The following SNTG1 variants were observed in gnomAD, a reference collection of about 807,000 sequenced individuals.
SNTG1 encodes the protein gamma-1-syntrophin.
SNTG1 carries 39 observed loss-of-function variants against 74.7 expected under a neutral mutation model. The ratio of observed to expected loss-of-function variants is 0.52; its 90% CI spans 0.40 to 0.68. The LOEUF (loss-of-function observed/expected upper bound fraction) is 0.68, where lower values mean the gene tolerates loss of function less well. SNTG1 is among the 30% of genes least tolerant of loss of function. SNTG1 has a pLI of 0.00. For synonymous variants in SNTG1, 254 were observed against 217.1 expected, an observed-to-expected ratio of 1.17 and a Z score of -1.49; for missense variants, 685 against 609.5, an observed-to-expected ratio of 1.12 and a Z score of -1.30.
At chr8:49,969,786 C>T (rs1811490171) in intron 1 of SNTG1, among the ~76,000 whole-genome samples, 1 of 152,096 alleles carries the variant, frequency 6.6e-6, no homozygotes, top group South Asian at 2.1e-4. Context: ...ACTGTCAAAA[C>T]AACAATGACA....
At chr8:49,943,351 T>C (rs1033883660) in intron 1 of SNTG1, among the ~76,000 whole-genome samples, 9 of 152,352 alleles carry the variant, frequency 5.9e-5, no homozygotes, top group Admixed American at 5.2e-4. Flanking sequence ...AGTATAAAGA[T>C]GAAATGTATG....
At chr8:50,668,363 A>G (rs564910956) in intron 15 of SNTG1, among the ~76,000 whole-genome samples, 2 of 151,258 alleles carry the variant, frequency 1.3e-5, no homozygotes, top group Non-Finnish European at 2.9e-5. Flanking sequence ...ATTGACCTAT[A>G]TTTGCTCTTA....
At position 50,315,166 on chromosome 8, in the gene SNTG1, G is replaced by A. The variant is rs1432184339; in HGVS notation, c.-27-79046G>A. Among the ~76,000 whole-genome samples the A allele has an allele frequency of 1.3e-5, 2 of 149,632 alleles. 1 individual carries two copies. Among genetic ancestry groups the A allele is most frequent in the East Asian group, 3.9e-4 (2 of 5,074 alleles). On this transcript the variant is annotated intron_variant, in intron 2 of 18. Transcript: ENST00000642720. ...ATAATTTCTGAAATGCAAGATAAGG[G>A]ATAGAGCTGCAGTGGTCACTGAGGA...
At chr8:50,236,511 C>T (rs1327781879) in intron 2 of SNTG1, among the ~76,000 whole-genome samples, 13 of 142,208 alleles carry the variant, frequency 9.1e-5, no homozygotes, top group Non-Finnish European at 1.9e-4. Context: ...AGTGCAGTGG[C>T]GCTATCCCGG....
At chr8:50,494,382 C>A (rs1265768249) in intron 8 of SNTG1, among the ~76,000 whole-genome samples, 2 of 151,494 alleles carry the variant, frequency 1.3e-5, no homozygotes, top group African/African-American at 4.8e-5. Flanking sequence ...TTTATACTAC[C>A]ACATCTGCCT....
chr8:50,246,504 C>CT lies in SNTG1; in HGVS notation c.-28+73884dup, dbSNP rs58751270. On this transcript the variant is annotated intron_variant, in intron 2 of 18. Coordinates refer to ENST00000642720, the MANE Select transcript of SNTG1 (RefSeq NM_018967.5). ...TAAGTGAAGAAACATTAGTGTCTTTCTTTTTTTTTTTTTTTGCTTAATTAG... is the reference window on the plus strand; with the variant it reads ...TAAGTGAAGAAACATTAGTGTCTTTCTTTTTTTTTTTTTTTTGCTTAATTAG... Among the ~76,000 whole-genome samples the CT allele has an allele frequency of 2.5e-3, 356 of 141,858 alleles. 1 individual carries two copies. Among genetic ancestry groups the CT allele is most frequent in the African/African-American group, 8.6e-3 (338 of 39,102 alleles). The allele number at this position is 141,858 out of a possible 152,430, so 93.1% of individuals were successfully genotyped here.
At chr8:50,227,436 A>G (rs1467979916) in intron 2 of SNTG1, among the ~76,000 whole-genome samples, 2 of 152,132 alleles carry the variant, frequency 1.3e-5, no homozygotes. Context: ...ACAAGGCAAA[A>G]GACCACTACA....
chr8:50,125,764 G>C lies in SNTG1; in HGVS notation c.-102-46797G>C, dbSNP rs951354344. On this transcript the variant is annotated intron_variant, in intron 1 of 18. Coordinates refer to ENST00000642720, the MANE Select transcript of SNTG1 (RefSeq NM_018967.5). ...AAGTGCTTAGTATATGGTGTGTTAC[G>C]TTGCTGTATTAAGATGTGCTGGGTG... Among the ~76,000 whole-genome samples, 8 of 96,714 alleles carry C rather than the reference G, an allele frequency of 8.3e-5. 1 individual carries two copies. Among genetic ancestry groups the C allele is most frequent in the African/African-American group, 2.7e-4 (8 of 29,318 alleles). The allele number at this position is 96,714 out of a possible 152,430, so 63.4% of individuals were successfully genotyped here. A position where few individuals can be genotyped will look rare whatever the true frequency, so the allele number is the denominator to read the frequency against.
At chr8:50,600,163 T>C (rs576775493) in intron 13 of SNTG1, among the ~76,000 whole-genome samples, 29 of 152,302 alleles carry the variant, frequency 1.9e-4, no homozygotes, top group Admixed American at 5.9e-4. Context: ...CACTTGGTCA[T>C]GATGAATGAT....
intron 1 of SNTG1, among the ~76,000 whole-genome samples, chr8:50,090,709 G>A (rs203612): frequency 0.62 from 94,305 of 151,946 alleles, 29,620 homozygotes; most frequent in East Asian, 0.84. Flanking sequence ...AATATCAAGG[G>A]CTGCTGACAA....
intron 1 of SNTG1, among the ~76,000 whole-genome samples, chr8:49,991,874 G>A (rs373979465): frequency 2.0e-5 from 3 of 152,252 alleles, no homozygotes; most frequent in East Asian, 3.9e-4. Context: ...AAATTAGATA[G>A]CTGTGATGTT....
At chr8:50,758,998 A>G (rs554006389) in intron 18 of SNTG1, among the ~76,000 whole-genome samples, 14 of 152,094 alleles carry the variant, frequency 9.2e-5, no homozygotes, top group African/African-American at 3.4e-4. Context: ...TTTAATGATC[A>G]CCATTCTAAC....
At chr8:50,556,398 G>A (rs982574647) in intron 12 of SNTG1, among the ~76,000 whole-genome samples, 3 of 152,100 alleles carry the variant, frequency 2.0e-5, no homozygotes, top group African/African-American at 7.2e-5. Flanking sequence ...TATATTTTAG[G>A]TGAGCATTCA....
intron 13 of SNTG1, among the ~76,000 whole-genome samples, chr8:50,644,716 A>ACTGTAATTT (rs1361598441): frequency 6.6e-6 from 1 of 152,114 alleles, no homozygotes; most frequent in Non-Finnish European, 1.5e-5. Context: ...TGAAGGGTCA[A>ACTGTAATTT]CTGTAATTTC....
intron 1 of SNTG1, among the ~76,000 whole-genome samples, chr8:50,130,051 G>C (rs929351469): frequency 6.6e-6 from 1 of 152,256 alleles, no homozygotes; most frequent in Middle Eastern, 3.4e-3. Flanking sequence ...TCATGTGAAT[G>C]TGAAAAAGAA....
At chr8:50,022,580 GTAATAAATTAAAT>G (rs1816919941) in intron 1 of SNTG1, among the ~76,000 whole-genome samples, 1 of 152,188 alleles carries the variant, frequency 6.6e-6, no homozygotes, top group Non-Finnish European at 1.5e-5. Flanking sequence ...TCTTAAATTT[GTAATAAATTAAAT>G]TGGATGAAAG....
chr8:50,368,884 C>G (rs1315946856), intron 2 of SNTG1, among the ~76,000 whole-genome samples: 1 of 152,148 alleles, frequency 6.6e-6, no homozygotes, highest in Non-Finnish European at 1.5e-5. Flanking sequence ...AAATATCTAT[C>G]CTATGCCTCT....
intron 2 of SNTG1, among the ~76,000 whole-genome samples, chr8:50,210,108 A>C (rs576387506): frequency 6.6e-6 from 1 of 152,328 alleles, no homozygotes; most frequent in East Asian, 1.9e-4. Context: ...TGATTTGATC[A>C]AGTGGAAGAA....
At chr8:50,457,708 C>T (rs2093519427) in intron 8 of SNTG1, among the ~76,000 whole-genome samples, 1 of 152,114 alleles carries the variant, frequency 6.6e-6, no homozygotes, top group Admixed American at 6.6e-5. Context: ...CCAAAGCCGC[C>T]ATCCAGCAAA....
Sources: allele counts gnomAD v4.1 joint callset (sites outside exome capture counted in the v4.1 genomes callset), GRCh38; gene constraint gnomAD v4.1.1; transcripts MANE v1.5; gene names NCBI Gene and HGNC (gene_info 2026-07-23, HGNC 2026-07-21).